Variants in GRAP2 observed in about 807,000 individuals in gnomAD.
The protein encoded by GRAP2 is GRB2-related adapter protein 2.
A neutral mutation model predicts 43.5 loss-of-function variants in GRAP2; 31 were observed. The observed-to-expected ratio is 0.71, with a 90% CI of 0.54 to 0.96. GRAP2 has a LOEUF of 0.96. Among genes scored for constraint, GRAP2 ranks in the 40% least tolerant of loss-of-function variants. GRAP2 has a pLI of 0.00. For missense variants in GRAP2, 371 were observed against 424.4 expected, an observed-to-expected ratio of 0.87 and a Z score of 1.11; for synonymous variants, 156 against 164.8, an observed-to-expected ratio of 0.95 and a Z score of 0.41.
At chr22:39,968,698 G>A (rs930665451) in intron 6 of GRAP2, 10 of 178,566 alleles carry the variant, frequency 5.6e-5, no homozygotes, top group East Asian at 3.0e-4. Context: ...TTCCCGATGG[G>A]ATTTCAGGCG....
intron 1 of GRAP2, among the ~76,000 whole-genome samples, chr22:39,926,363 G>C (rs186063293): frequency 1.3e-5 from 2 of 152,030 alleles, no homozygotes; most frequent in East Asian, 1.9e-4. Context: ...ACGCAGCAGA[G>C]AGTGTGCGTA....
At chr22:39,946,484 TTATAA>T (rs527454041) in intron 1 of GRAP2, among the ~76,000 whole-genome samples, 163 of 152,366 alleles carry the variant, frequency 1.1e-3, no homozygotes, top group African/African-American at 3.8e-3. Flanking sequence ...TGTACTTGGT[TTATAA>T]TATATCATAA....
Position 39,968,194 on chromosome 22 carries a change from T to C in GRAP2, c.612T>C (p.Pro204=). 6.2e-7 allele frequency: 1 copy of C among 1,609,354 alleles called. No homozygotes were observed. The highest frequency in any genetic ancestry group is 8.5e-7 in the Non-Finnish European group (1 of 1,176,892). Residue 204 remains proline (P), a synonymous_variant, in exon 6 of 8, where the codon CCT becomes CCC. Transcript: ENST00000344138. ...PLQQHQHQPQ[P]PQYAPAPQQL... ...AGCAGCACCAGCACCAGCCACAGCC[T>C]CCGCAATATGCCCCAGCGCCCCAGC...
intron 1 of GRAP2, among the ~76,000 whole-genome samples, chr22:39,909,504 G>A (rs2066544144): frequency 6.6e-6 from 1 of 152,182 alleles, no homozygotes; most frequent in Admixed American, 6.5e-5. Flanking sequence ...GCTTCGTCTT[G>A]TAGATGCTGT....
At chr22:39,924,297 A>G (rs1392492301) in intron 1 of GRAP2, among the ~76,000 whole-genome samples, 1 of 152,210 alleles carries the variant, frequency 6.6e-6, no homozygotes, top group Non-Finnish European at 1.5e-5. Context: ...TCTCTCTCCA[A>G]GATTCGCTTT....
chr22:39,932,957 G>A (rs1244753258), intron 1 of GRAP2, among the ~76,000 whole-genome samples: 3 of 152,150 alleles, frequency 2.0e-5, no homozygotes, highest in Non-Finnish European at 2.9e-5. Flanking sequence ...TTGAATGCTG[G>A]CAGCCTGACT....
chr22:39,947,050 C>G, intron 1 of GRAP2, 43 bp from the exon 2 acceptor site: 1 of 1,115,400 alleles, frequency 9.0e-7, no homozygotes, highest in Non-Finnish European at 1.4e-6. Context: ...TGCTGCCCTC[C>G]CCCTGGCAGA....
intron 3 of GRAP2, among the ~76,000 whole-genome samples, chr22:39,956,849 A>G (rs2067058595): frequency 6.6e-6 from 1 of 152,186 alleles, no homozygotes; most frequent in South Asian, 2.1e-4. Flanking sequence ...CAGAATTCCA[A>G]AGGGGACGCT....
chr22:39,968,509 T>TCACA (rs746355463), intron 6 of GRAP2: 5 of 528,878 alleles, frequency 9.5e-6, no homozygotes, highest in South Asian at 8.5e-5. Flanking sequence ...ACACTTAAAC[T>TCACA]CACACACACA....
At chr22:39,964,227 C>T (rs1324326570) in intron 4 of GRAP2, 2 of 576,250 alleles carry the variant, frequency 3.5e-6, no homozygotes, top group Non-Finnish European at 6.1e-6. Flanking sequence ...AGGCTCAGCC[C>T]ACCCTTCCTA....
At chr22:39,951,977 C>T (rs1044088265) in intron 2 of GRAP2, among the ~76,000 whole-genome samples, 2 of 151,104 alleles carry the variant, frequency 1.3e-5, no homozygotes, top group African/African-American at 4.9e-5. Flanking sequence ...ACTAAAATTA[C>T]AGAGCTGCTT....
chr22:39,907,775 T>A (rs777380181), intron 1 of GRAP2, among the ~76,000 whole-genome samples: 1 of 152,192 alleles, frequency 6.6e-6, no homozygotes, highest in South Asian at 2.1e-4. Flanking sequence ...AGAGTTGCCA[T>A]TATCTTGTTT....
At chr22:39,964,387 G>T in intron 4 of GRAP2, 1 of 762,304 alleles carries the variant, frequency 1.3e-6, no homozygotes. Context: ...GTCCAGCCAC[G>T]AAGGTGGCAA....
At chr22:39,909,618 G>A (rs2066544976) in intron 1 of GRAP2, among the ~76,000 whole-genome samples, 1 of 152,032 alleles carries the variant, frequency 6.6e-6, no homozygotes, top group African/African-American at 2.4e-5. Flanking sequence ...AGAACACTTT[G>A]GGAAATAAAA....
chr22:39,961,795 A>G (rs970533281), intron 4 of GRAP2, among the ~76,000 whole-genome samples: 2 of 152,248 alleles, frequency 1.3e-5, no homozygotes, highest in Non-Finnish European at 2.9e-5. Flanking sequence ...GGTTTATTCA[A>G]TATATTTTGA....
chr22:39,969,360 T>C, intron 6 of GRAP2, 51 bp from the exon 7 acceptor site: 1 of 1,608,490 alleles, frequency 6.2e-7, no homozygotes, highest in Non-Finnish European at 8.5e-7. Context: ...GGGGAACCGG[T>C]GGGAGATGTC....
At chr22:39,939,645 C>A (rs1434301874) in intron 1 of GRAP2, among the ~76,000 whole-genome samples, 2 of 150,628 alleles carry the variant, frequency 1.3e-5, no homozygotes, top group East Asian at 2.0e-4. Flanking sequence ...TGGCTGTAAA[C>A]CTTCTAAAGC....
chr22:39,912,604 A>G (rs574057213), intron 1 of GRAP2, among the ~76,000 whole-genome samples: 2 of 152,300 alleles, frequency 1.3e-5, no homozygotes, highest in East Asian at 1.9e-4. Flanking sequence ...ATGGGCCCCC[A>G]CAACAAGGAC....
At chr22:39,951,627 A>C (rs1362802852) in intron 2 of GRAP2, among the ~76,000 whole-genome samples, 1 of 152,130 alleles carries the variant, frequency 6.6e-6, no homozygotes, top group Non-Finnish European at 1.5e-5. Context: ...CAAGAGTAAA[A>C]CTTCAAGTGT....
Sources: allele counts gnomAD v4.1 joint callset (sites outside exome capture counted in the v4.1 genomes callset), GRCh38; gene constraint gnomAD v4.1.1; transcripts MANE v1.5; gene names NCBI Gene and HGNC (gene_info 2026-07-23, HGNC 2026-07-21).